The following KCNIP4 variants were observed in gnomAD, a reference collection of about 807,000 sequenced individuals.
KCNIP4 encodes the protein Kv channel-interacting protein 4.
KCNIP4 carries 12 observed loss-of-function variants against 34.0 expected under a neutral mutation model. The observed-to-expected ratio is 0.35, with a 90% confidence interval of 0.23 to 0.57. The LOEUF is 0.57. Ranked by LOEUF, KCNIP4 falls within the 20% of genes least tolerant of loss-of-function variation. The pLI is 0.83. For missense variants in KCNIP4, 238 were observed against 311.7 expected, an observed-to-expected ratio of 0.76 and a Z score of 1.78; for synonymous variants, 124 against 102.2, an observed-to-expected ratio of 1.21 and a Z score of -1.29.
chr4:21,067,468 C>T (rs1744501983), intron 1 of KCNIP4, among the ~76,000 whole-genome samples: 2 of 152,274 alleles, frequency 1.3e-5, no homozygotes, highest in South Asian at 4.1e-4. Flanking sequence ...TTCCTGATTC[C>T]AGGCCTTGGC....
At chr4:21,640,614 C>G (rs572129149) in intron 1 of KCNIP4, among the ~76,000 whole-genome samples, 13 of 152,148 alleles carry the variant, frequency 8.5e-5, no homozygotes, top group Non-Finnish European at 1.8e-4. Flanking sequence ...ACCAACCAAC[C>G]AAACTGATAC....
chr4:21,057,344 C>T (rs1264924349), intron 1 of KCNIP4, among the ~76,000 whole-genome samples: 1 of 152,060 alleles, frequency 6.6e-6, no homozygotes, highest in Non-Finnish European at 1.5e-5. Flanking sequence ...ATTTTCTATC[C>T]CTTTTATTTT....
chr4:21,427,263 TG>T (rs1455693978), intron 1 of KCNIP4, among the ~76,000 whole-genome samples: 1 of 152,064 alleles, frequency 6.6e-6, no homozygotes, highest in African/African-American at 2.4e-5. Flanking sequence ...AAATATTTAT[TG>T]AGCATCTACT....
intron 1 of KCNIP4, among the ~76,000 whole-genome samples, chr4:20,944,698 T>A (rs1205985185): frequency 6.6e-6 from 1 of 152,164 alleles, no homozygotes; most frequent in Non-Finnish European, 1.5e-5. Flanking sequence ...GAGGCCTATC[T>A]AAGCCTCAGG....
chr4:20,968,470 A>T (rs1734600523), intron 1 of KCNIP4, among the ~76,000 whole-genome samples: 1 of 152,176 alleles, frequency 6.6e-6, no homozygotes, highest in African/African-American at 2.4e-5. Flanking sequence ...ATAAAGACAC[A>T]TGCACACATA....
intron 1 of KCNIP4, among the ~76,000 whole-genome samples, chr4:20,992,273 G>A (rs1178456966): frequency 6.6e-6 from 1 of 152,110 alleles, no homozygotes; most frequent in African/African-American, 2.4e-5. Context: ...TTCACAGGGT[G>A]GCAGGATGGA....
At chr4:21,490,642 G>T (rs941683324) in intron 1 of KCNIP4, among the ~76,000 whole-genome samples, 1 of 152,094 alleles carries the variant, frequency 6.6e-6, no homozygotes, top group East Asian at 1.9e-4. Context: ...ACCACAAAAA[G>T]CCCAGAAGTG....
At chr4:21,086,128 G>A (rs1577666362) in intron 1 of KCNIP4, among the ~76,000 whole-genome samples, 2 of 152,294 alleles carry the variant, frequency 1.3e-5, no homozygotes, top group South Asian at 2.1e-4. Flanking sequence ...ATGACCTCAT[G>A]GAACAGAGTA....
chr4:21,617,383 A>G (rs1278551139), intron 1 of KCNIP4, among the ~76,000 whole-genome samples: 2 of 152,154 alleles, frequency 1.3e-5, no homozygotes, highest in African/African-American at 4.8e-5. Flanking sequence ...ATATTATGTC[A>G]AAGAGGAAAA....
chr4:21,303,926 C>A (rs768014799), intron 1 of KCNIP4: 2 of 1,612,518 alleles, frequency 1.2e-6, no homozygotes, highest in Non-Finnish European at 1.7e-6. Context: ...GGTCATGGTC[C>A]GACCACAGCC....
At chr4:21,318,688 G>T (rs1560285702) in intron 1 of KCNIP4, among the ~76,000 whole-genome samples, 1 of 151,900 alleles carries the variant, frequency 6.6e-6, no homozygotes, top group Non-Finnish European at 1.5e-5. Flanking sequence ...TTTTTGATAT[G>T]TGTCTTATTA....
At chr4:21,727,466 T>C (rs1715279101) in intron 1 of KCNIP4, among the ~76,000 whole-genome samples, 1 of 152,194 alleles carries the variant, frequency 6.6e-6, no homozygotes, top group Non-Finnish European at 1.5e-5. Flanking sequence ...AAATTATATA[T>C]AATTTATCCA....
chr4:21,708,184 T>G (rs2109072488), intron 1 of KCNIP4, among the ~76,000 whole-genome samples: 1 of 152,242 alleles, frequency 6.6e-6, no homozygotes, highest in South Asian at 2.1e-4. Context: ...ATAGGAAGTA[T>G]TAAAATACTA....
intron 1 of KCNIP4, among the ~76,000 whole-genome samples, chr4:21,464,909 C>T (rs62295501): frequency 0.19 from 29,546 of 151,942 alleles, 3,424 homozygotes; most frequent in Non-Finnish European, 0.27. Context: ...GAGTAACACC[C>T]CTCTACGACC....
At chr4:21,941,290 A>T (rs1175196546) in intron 1 of KCNIP4, among the ~76,000 whole-genome samples, 1 of 152,128 alleles carries the variant, frequency 6.6e-6, no homozygotes, top group Admixed American at 6.5e-5. Flanking sequence ...ACAACAAAAA[A>T]AGACAGATTG....
intron 1 of KCNIP4, among the ~76,000 whole-genome samples, chr4:21,310,855 C>T (rs1422273586): frequency 6.6e-6 from 1 of 151,702 alleles, no homozygotes; most frequent in Non-Finnish European, 1.5e-5. Flanking sequence ...GTCTGGATCG[C>T]CTAACCTCGT....
chr4:20,784,434 A>G (rs1325832899), intron 3 of KCNIP4, among the ~76,000 whole-genome samples: 3 of 152,168 alleles, frequency 2.0e-5, no homozygotes. Context: ...CTTCTCCCTC[A>G]GACAACTGGG....
intron 3 of KCNIP4, among the ~76,000 whole-genome samples, chr4:20,789,204 C>T (rs1195757114): frequency 1.3e-5 from 2 of 152,156 alleles, no homozygotes; most frequent in African/African-American, 2.4e-5. Context: ...ATTGCTAAAA[C>T]CCTACCACAC....
At chr4:20,737,907 A>G (rs6858843) in intron 5 of KCNIP4, among the ~76,000 whole-genome samples, 76,542 of 151,960 alleles carry the variant, frequency 0.5, 19,722 homozygotes, top group African/African-American at 0.59. Context: ...GGAGGTGGGA[A>G]GGTTGTTTGA....
Sources: allele counts gnomAD v4.1 joint callset (sites outside exome capture counted in the v4.1 genomes callset), GRCh38; gene constraint gnomAD v4.1.1; transcripts MANE v1.5; gene names NCBI Gene and HGNC (gene_info 2026-07-23, HGNC 2026-07-21).